Variants in RARB observed in about 807,000 individuals in gnomAD.
The protein encoded by RARB is retinoic acid receptor beta.
In RARB, 17 loss-of-function variants were observed where a neutral mutation model predicts 51.9. That is an observed-to-expected ratio of 0.33 (90% confidence interval 0.22 to 0.49). The LOEUF (loss-of-function observed/expected upper bound fraction) is 0.49, where lower values mean the gene tolerates loss of function less well. RARB is among the 20% of genes least tolerant of loss of function. The pLI is 0.99. For missense variants in RARB, 369 were observed against 550.8 expected, an observed-to-expected ratio of 0.67 and a Z score of 3.30; for synonymous variants, 215 against 195.4, an observed-to-expected ratio of 1.10 and a Z score of -0.84.
At chr3:25,298,468 C>T (rs938202925) in intron 5 of RARB, among the ~76,000 whole-genome samples, 2 of 152,170 alleles carry the variant, frequency 1.3e-5, no homozygotes, top group Admixed American at 1.3e-4. Flanking sequence ...AGCTTAGATA[C>T]AGAGATAGAG....
intron 5 of RARB, among the ~76,000 whole-genome samples, chr3:25,322,001 G>A (rs1704584856): frequency 6.6e-6 from 1 of 151,826 alleles, no homozygotes; most frequent in African/African-American, 2.4e-5. Context: ...AAGGAAAAAT[G>A]TTTGTAGAAA....
At chr3:25,119,615 G>A (rs1699746269) in intron 3 of RARB, among the ~76,000 whole-genome samples, 6 of 151,168 alleles carry the variant, frequency 4.0e-5, no homozygotes, top group Admixed American at 4.0e-4. Flanking sequence ...GTGTAACTCA[G>A]CGCAGCCTAA....
chr3:25,039,859 G>T (rs766657409), intron 2 of RARB, among the ~76,000 whole-genome samples: 2 of 152,186 alleles, frequency 1.3e-5, no homozygotes, highest in African/African-American at 4.8e-5. Context: ...AAAATTAGAC[G>T]TGGCCCATGG....
intron 1 of RARB, among the ~76,000 whole-genome samples, chr3:25,431,609 A>G (rs774310447): frequency 5.1e-4 from 77 of 152,162 alleles, no homozygotes; most frequent in Non-Finnish European, 9.9e-4. Flanking sequence ...TTAATTGCTC[A>G]GTGGGTATAG....
At chr3:24,939,444 T>C (rs932375582) in intron 2 of RARB, among the ~76,000 whole-genome samples, 1 of 152,228 alleles carries the variant, frequency 6.6e-6, no homozygotes, top group Non-Finnish European at 1.5e-5. Context: ...TATATAGTCT[T>C]TTTAAATCTA....
intron 5 of RARB, among the ~76,000 whole-genome samples, chr3:25,314,161 TA>T (rs1321071453): frequency 2.0e-5 from 3 of 151,880 alleles, no homozygotes; most frequent in African/African-American, 7.3e-5. Context: ...CAAGAACAAA[TA>T]AAAAAGAAAA....
intron 5 of RARB, among the ~76,000 whole-genome samples, chr3:25,296,761 T>C (rs911952910): frequency 3.9e-5 from 6 of 152,210 alleles, no homozygotes; most frequent in African/African-American, 1.2e-4. Flanking sequence ...CCGGTCCATG[T>C]ATTACTAGTT....
intron 5 of RARB, among the ~76,000 whole-genome samples, chr3:25,285,506 G>T (rs759166868): frequency 2.0e-5 from 3 of 152,188 alleles, no homozygotes; most frequent in Non-Finnish European, 4.4e-5. Context: ...AACTTTGGCT[G>T]CAGTGTGGAG....
At chr3:24,976,966 G>C (rs1450151571) in intron 2 of RARB, among the ~76,000 whole-genome samples, 1 of 152,126 alleles carries the variant, frequency 6.6e-6, no homozygotes, top group Non-Finnish European at 1.5e-5. Flanking sequence ...TCCAGTTTCA[G>C]TTTTCTGCAT....
chr3:24,830,919 G>A (rs994065363), intron 1 of RARB, among the ~76,000 whole-genome samples: 7 of 152,042 alleles, frequency 4.6e-5, no homozygotes, highest in African/African-American at 1.4e-4. Flanking sequence ...GAAGAAAAGA[G>A]CCCTGAAGCT....
intron 3 of RARB, among the ~76,000 whole-genome samples, chr3:25,509,948 C>A (rs1697807137): frequency 1.3e-5 from 2 of 152,216 alleles, no homozygotes; most frequent in African/African-American, 2.4e-5. Flanking sequence ...TTCTCCCAAC[C>A]AACTCCTGTC....
intron 2 of RARB, among the ~76,000 whole-genome samples, chr3:24,921,248 A>G (rs1048733104): frequency 1.3e-5 from 2 of 152,100 alleles, no homozygotes; most frequent in Non-Finnish European, 2.9e-5. Context: ...TTGAGATCCT[A>G]CCGTGTGTTC....
chr3:25,171,643 T>TAAAAAAGAAAAAAAAAAA (rs1700648079), intron 4 of RARB, among the ~76,000 whole-genome samples: 1 of 45,462 alleles, frequency 2.2e-5, no homozygotes, highest in Non-Finnish European at 4.0e-5. Flanking sequence ...CCCTGGTTGG[T>TAAAAAAGAAAAAAAAAAA]AAAAAAAAAA....
At chr3:25,440,209 A>G (rs1006099567) in intron 1 of RARB, among the ~76,000 whole-genome samples, 1 of 152,120 alleles carries the variant, frequency 6.6e-6, no homozygotes, top group Admixed American at 6.6e-5. Flanking sequence ...CTAGCACTTC[A>G]GGAGGCCCGA....
chr3:25,527,518 A>C (rs1472180012), intron 3 of RARB, among the ~76,000 whole-genome samples: 2 of 152,144 alleles, frequency 1.3e-5, no homozygotes, highest in African/African-American at 2.4e-5. Context: ...CCATCTCCAA[A>C]TTGTCTGTGA....
intron 2 of RARB, among the ~76,000 whole-genome samples, chr3:24,904,712 C>T (rs530476030): frequency 2.0e-5 from 3 of 152,270 alleles, no homozygotes; most frequent in African/African-American, 7.2e-5. Flanking sequence ...CACATGCACA[C>T]GTATGTTTAC....
intron 5 of RARB, among the ~76,000 whole-genome samples, chr3:25,391,284 C>T (rs1706949019): frequency 6.6e-6 from 1 of 151,950 alleles, no homozygotes. Flanking sequence ...TTTTCTTTAT[C>T]TACTCATTGT....
intron 2 of RARB, among the ~76,000 whole-genome samples, chr3:25,497,148 G>C (rs1039142734): frequency 2.0e-5 from 3 of 152,198 alleles, no homozygotes; most frequent in Admixed American, 6.5e-5. Flanking sequence ...GCCTCCCAAA[G>C]TGCTGGGATT....
At chr3:25,092,172 T>G (rs961158079) in intron 3 of RARB, among the ~76,000 whole-genome samples, 15 of 152,164 alleles carry the variant, frequency 9.9e-5, no homozygotes, top group African/African-American at 3.6e-4. Flanking sequence ...GGCGGTCTTG[T>G]CTATTGCTCA....
Sources: gnomAD v4.1 joint callset for allele counts (sites outside exome capture counted in the v4.1 genomes callset) on GRCh38, gnomAD v4.1.1 for gene constraint, MANE v1.5 for transcripts, NCBI Gene and HGNC (gene_info 2026-07-23, HGNC 2026-07-21) for gene names.